The following ARNT2 variants were observed in gnomAD, a reference collection of about 807,000 sequenced individuals.
ARNT2 encodes aryl hydrocarbon receptor nuclear translocator 2.
Under a neutral mutation model 91.7 loss-of-function variants are expected in ARNT2, and 36 were observed. That is an observed-to-expected ratio of 0.39 (90% CI 0.30 to 0.52). ARNT2 has a LOEUF of 0.52. ARNT2 is among the 20% of genes least tolerant of loss of function. ARNT2 has a pLI of 0.72. For synonymous variants in ARNT2, 365 were observed against 347.1 expected (o/e 1.05, Z -0.57); for missense variants, 775 against 939.3 (o/e 0.83, Z 2.29).
At chr15:80,573,892 T>G (rs1262298752) in intron 12 of ARNT2, among the ~76,000 whole-genome samples, 1 of 152,244 alleles carries the variant, frequency 6.6e-6, no homozygotes, top group Admixed American at 6.5e-5. Flanking sequence ...TGCGGTATCT[T>G]TTGACCCTGC....
At chr15:80,424,141 G>A (rs5000770) in intron 1 of ARNT2, among the ~76,000 whole-genome samples, 41,645 of 152,080 alleles carry the variant, frequency 0.27, 6,372 homozygotes, top group East Asian at 0.55. Context: ...AGGGAACACC[G>A]TGCTATGACT....
intron 12 of ARNT2, among the ~76,000 whole-genome samples, chr15:80,567,239 C>T (rs957666298): frequency 3.3e-5 from 5 of 152,154 alleles, no homozygotes; most frequent in African/African-American, 1.2e-4. Context: ...GAGCCAGGTG[C>T]AGGGCGGTGA....
intron 5 of ARNT2, among the ~76,000 whole-genome samples, chr15:80,486,051 G>C (rs779430461): frequency 6.6e-5 from 10 of 152,170 alleles, no homozygotes; most frequent in Non-Finnish European, 1.2e-4. Flanking sequence ...GGAAGAACCT[G>C]TTCCATGGCT....
chr15:80,530,327 T>G (rs150179111), intron 8 of ARNT2, among the ~76,000 whole-genome samples: 1 of 152,090 alleles, frequency 6.6e-6, no homozygotes, highest in Admixed American at 6.5e-5. Flanking sequence ...AAACACCCCC[T>G]GTAGTGAGCG....
At chr15:80,410,508 C>G (rs181943728) in intron 1 of ARNT2, among the ~76,000 whole-genome samples, 3 of 152,140 alleles carry the variant, frequency 2.0e-5, no homozygotes, top group African/African-American at 7.2e-5. Flanking sequence ...GGGACACATG[C>G]TCCCAGAGAT....
chr15:80,408,506 A>C (rs1198142733), intron 1 of ARNT2, among the ~76,000 whole-genome samples: 1 of 152,246 alleles, frequency 6.6e-6, no homozygotes, highest in Non-Finnish European at 1.5e-5. Flanking sequence ...GAGGCAGACA[A>C]GATTTGTGAA....
At chr15:80,515,629 G>A (rs946263830) in intron 8 of ARNT2, among the ~76,000 whole-genome samples, 2 of 151,812 alleles carry the variant, frequency 1.3e-5, no homozygotes, top group Admixed American at 1.3e-4. Flanking sequence ...TCTTTTGGGG[G>A]TGACAGAGGT....
chr15:80,473,181 A>T (rs764229125), intron 4 of ARNT2, among the ~76,000 whole-genome samples: 12 of 152,148 alleles, frequency 7.9e-5, no homozygotes, highest in Non-Finnish European at 1.5e-4. Flanking sequence ...TAAGTGGGAG[A>T]GCGGTAGGTG....
chr15:80,584,333 A>T (rs1046764866), intron 17 of ARNT2, among the ~76,000 whole-genome samples: 1 of 152,074 alleles, frequency 6.6e-6, no homozygotes, highest in South Asian at 2.1e-4. Flanking sequence ...GTCAGCTTTT[A>T]CTCCACAGGG....
chr15:80,529,943 A>G (rs747275099), intron 8 of ARNT2, among the ~76,000 whole-genome samples: 3 of 152,252 alleles, frequency 2.0e-5, no homozygotes, highest in Non-Finnish European at 4.4e-5. Flanking sequence ...TGCCTTGCGC[A>G]TAAATATTAT....
intron 1 of ARNT2, among the ~76,000 whole-genome samples, chr15:80,426,829 A>G (rs1318312491): frequency 4.5e-4 from 68 of 152,140 alleles, no homozygotes; most frequent in Non-Finnish European, 8.8e-5. Flanking sequence ...GGGAAGTTCA[A>G]TATCAAGGGG....
rs1288789954 is a variant in ARNT2, at chr15:80,552,634, T to A, written c.955-6T>A. ...CCACCTCAACTGTGGATTTTCCCCA[T>A]CCCAGGTGACCAGCTCTCCTGTATG... On this transcript the variant is annotated splice_polypyrimidine_tract_variant and splice_region_variant and intron_variant, in intron 9 of 18. Coordinates refer to ENST00000303329, the MANE Select transcript of ARNT2 (RefSeq NM_014862.4). The A allele has an allele frequency of 6.2e-7, 1 of 1,613,484 alleles. No homozygotes were observed. Among genetic ancestry groups the A allele is most frequent in the East Asian group, 2.2e-5 (1 of 44,884 alleles).
chr15:80,464,716 G>A (rs1259553267), intron 3 of ARNT2, among the ~76,000 whole-genome samples: 2 of 152,160 alleles, frequency 1.3e-5, no homozygotes, highest in Non-Finnish European at 2.9e-5. Context: ...AGCCTCCATG[G>A]GGCTCCTGAA....
At position 80,501,224 on chromosome 15, in the gene ARNT2, A is replaced by T. The variant is rs555340720; in HGVS notation, c.623-6932A>T. ...CCCTTGGCCATAGGAAAAACCTGGA[A>T]ACAAAGTAAAAGTCTAATAGTAAAT... On this transcript the variant is annotated intron_variant, in intron 5 of 18. Transcript: ENST00000303329. Among the ~76,000 whole-genome samples, 3 of 152,308 alleles carry T rather than the reference A, an allele frequency of 2.0e-5. No individual in the cohort carries two copies. In the South Asian group the frequency reaches 6.2e-4, roughly 32 times the overall value.
At chr15:80,537,506 TG>T (rs1897844828) in intron 8 of ARNT2, among the ~76,000 whole-genome samples, 1 of 152,218 alleles carries the variant, frequency 6.6e-6, no homozygotes, top group African/African-American at 2.4e-5. Flanking sequence ...CAAGTAGGTT[TG>T]ATTTCATGAT....
intron 8 of ARNT2, among the ~76,000 whole-genome samples, chr15:80,514,888 A>G (rs1188414442): frequency 6.6e-6 from 1 of 152,208 alleles, no homozygotes; most frequent in African/African-American, 2.4e-5. Context: ...CCCATCTCAA[A>G]AAAACAAACA....
chr15:80,433,855 T>C (rs1896048888), intron 1 of ARNT2: 1 of 152,182 alleles, frequency 6.6e-6, no homozygotes, highest in Admixed American at 6.5e-5. Context: ...CGTGTAGATA[T>C]AGGATTAGAC....
In ARNT2 at chr15:80,591,831, G is replaced by A. The variant is rs1596029078; in HGVS notation, c.2055+127G>A. The A allele has an allele frequency of 6.3e-6, 9 of 1,430,350 alleles. No individual in the cohort carries two copies. The highest frequency in any genetic ancestry group is 2.4e-5 in the East Asian group (1 of 42,312). 88.6% of individuals were successfully genotyped at this position (1,430,350 alleles called of 1,614,324 possible). Reference sequence around the variant, plus strand: ...GTGAGTTCTGGCCCAGCCTGGGCTCGAGGGAGTCCAGGAGTAGAAAGCCCC... The same window carrying A: ...GTGAGTTCTGGCCCAGCCTGGGCTCAAGGGAGTCCAGGAGTAGAAAGCCCC... On this transcript the variant is annotated intron_variant, in intron 18 of 18. Coordinates refer to ENST00000303329, the MANE Select transcript of ARNT2 (RefSeq NM_014862.4). The surrounding 1 kb of genome is among the most constrained non-coding windows in gnomAD (Gnocchi z 5.1).
chr15:80,565,005 C>T (rs1453860408), intron 12 of ARNT2, among the ~76,000 whole-genome samples: 1 of 151,724 alleles, frequency 6.6e-6, no homozygotes, highest in Non-Finnish European at 1.5e-5. Context: ...TCATTGCAGC[C>T]TCGACTTCCT....
Sources: gnomAD v4.1 joint callset for allele counts (sites outside exome capture counted in the v4.1 genomes callset) on GRCh38, gnomAD v4.1.1 for gene constraint, Gnocchi (gnomAD v3.1) non-coding constraint, MANE v1.5 for transcripts, NCBI Gene and HGNC (gene_info 2026-07-23, HGNC 2026-07-21) for gene names.